Variants in DYNC2H1 observed in about 807,000 individuals in gnomAD.
DYNC2H1 encodes dynein cytoplasmic 2 heavy chain 1.
Under a neutral mutation model 570.0 loss-of-function variants are expected in DYNC2H1, and 410 were observed. The ratio of observed to expected loss-of-function variants is 0.72; its 90% CI spans 0.66 to 0.78. The LOEUF (loss-of-function observed/expected upper bound fraction) is 0.78. DYNC2H1 is among the 30% of genes least tolerant of loss of function. The probability of loss-of-function intolerance (pLI) is 0.00; values close to 1 mark genes in which losing one functional copy is unlikely to be tolerated. For missense variants in DYNC2H1, 4,865 were observed against 5,046.4 expected (o/e 0.96, Z 1.09); for synonymous variants, 1,688 against 1,677.6 (o/e 1.01, Z -0.15).
Position 103,399,675 on chromosome 11 carries a change from A to G in DYNC2H1, c.12169A>G (p.Ile4057Val). Reference protein sequence around the residue: ...WKKLNQNSNLIHQKVPPPNDR... With the variant: ...WKKLNQNSNLVHQKVPPPNDR... ...ATTTTTCTTTTAGAATTCAAACCTA[A>G]TACATCAGAAAGTGCCTCCTCCTAA... Residue 4057 changes from isoleucine to valine, a missense_variant, in exon 84 of 89, where the codon ATA becomes GTA. Physicochemically the swap from Ile to Val is conservative, Grantham distance 29. Around this residue, in one of 5 missense-constraint regions of DYNC2H1, gnomAD observed 2,401 missense variants for 2,454.6 expected, o/e 0.98. Transcript: ENST00000375735. 2 of 1,612,134 alleles carry G rather than the reference A, an allele frequency of 1.2e-6. No individual in the cohort carries two copies. Among genetic ancestry groups the G allele is most frequent in the Non-Finnish European group, 1.7e-6 (2 of 1,178,708 alleles).
At chr11:103,417,175 G>A (rs1024509569) in intron 84 of DYNC2H1, among the ~76,000 whole-genome samples, 11 of 152,144 alleles carry the variant, frequency 7.2e-5, no homozygotes, top group Admixed American at 5.9e-4. Flanking sequence ...CGCCTCCTGG[G>A]TTCAAGCCAT....
In DYNC2H1 at chr11:103,154,566, G is replaced by A. The variant is rs1325795105; in HGVS notation, c.3418G>A (p.Gly1140Arg). 9 of 1,602,260 alleles carry A rather than the reference G, an allele frequency of 5.6e-6. No individual in the cohort carries two copies. The highest frequency in any genetic ancestry group is 7.7e-6 in the Non-Finnish European group (9 of 1,174,430). Reference protein sequence around the residue: ...IWAFYEEFQQGFQEMANEDWI... With the variant: ...IWAFYEEFQQRFQEMANEDWI... ...GGCCTTTTATGAAGAGTTTCAACAA[G>A]GATTTCAGGAAATGGCCAATGAAGA... is the stretch of plus-strand genomic sequence containing the variant. Residue 1140 changes from glycine (G) to arginine (R), a missense_variant, in exon 23 of 89, where the codon GGA becomes AGA. By Grantham distance (125) the Gly-to-Arg change is moderately radical. This residue lies in a region of DYNC2H1 where 1,936 missense variants were observed against 1,962.1 expected (regional missense o/e 0.99). Coordinates refer to ENST00000375735, the MANE Select transcript of DYNC2H1 (RefSeq NM_001377.3).
chr11:103,154,536 A>G lies in DYNC2H1; in HGVS notation c.3388A>G (p.Ile1130Val), dbSNP rs1290491490. 1.3e-6 allele frequency: 2 copies of G among 1,592,340 alleles called. No homozygotes were observed. The highest frequency in any genetic ancestry group is 2.3e-5 in the South Asian group (2 of 86,810). ...ISKDIESCAQIWAFYEEFQQG... is the reference protein window; with the variant it reads ...ISKDIESCAQVWAFYEEFQQG... Reference sequence around the variant, plus strand: ...TAAAGATATCGAGAGCTGTGCCCAAATTTGGGCCTTTTATGAAGAGTTTCA... The same window carrying G: ...TAAAGATATCGAGAGCTGTGCCCAAGTTTGGGCCTTTTATGAAGAGTTTCA... Residue 1130 changes from isoleucine to valine, a missense_variant, in exon 23 of 89, where the codon ATT (isoleucine) becomes GTT (valine). Ile to Val is a conservative substitution (Grantham distance 29, BLOSUM62 3). Transcript: ENST00000375735.
rs979031811 is a variant in DYNC2H1 at position 103,244,305 on chromosome 11, T to C, written c.9918+514T>C. ...TCATAGTCTTTTTGGTAGTGACTTC[T>C]CAGTTTCATGTTTATCTTGCAGAGG... On this transcript the variant is annotated intron_variant, in intron 64 of 88. Coordinates refer to ENST00000375735, the MANE Select transcript of DYNC2H1 (RefSeq NM_001377.3). This position sits in a 1 kb window ranked among gnomAD's most constrained non-coding sequence, Gnocchi z 4.3. Among the ~76,000 whole-genome samples, 1 of 152,058 alleles carries C rather than the reference T, an allele frequency of 6.6e-6. No homozygotes were observed. Among genetic ancestry groups the C allele is most frequent in the Non-Finnish European group, 1.5e-5 (1 of 67,936 alleles).
At chr11:103,413,138 T>A (rs1943149626) in intron 84 of DYNC2H1, among the ~76,000 whole-genome samples, 1 of 152,238 alleles carries the variant, frequency 6.6e-6, no homozygotes, top group Non-Finnish European at 1.5e-5. Context: ...AAAAAGGCAG[T>A]ACCTGCCATG....
chr11:103,362,716 T>C (rs1229595948), intron 83 of DYNC2H1, among the ~76,000 whole-genome samples: 1 of 152,158 alleles, frequency 6.6e-6, no homozygotes, highest in Admixed American at 6.5e-5. Context: ...ATTTAATCTT[T>C]GTATATCTAC....
At chr11:103,164,127 C>T (rs538397066) in intron 30 of DYNC2H1, among the ~76,000 whole-genome samples, 124 of 152,272 alleles carry the variant, frequency 8.1e-4, no homozygotes, top group African/African-American at 3.0e-3. Flanking sequence ...TCCTAGTACT[C>T]TGTCAACTTC....
At chr11:103,307,045 T>C (rs1565481831) in intron 77 of DYNC2H1, among the ~76,000 whole-genome samples, 1 of 152,108 alleles carries the variant, frequency 6.6e-6, no homozygotes, top group Non-Finnish European at 1.5e-5. Context: ...GACATAATAT[T>C]TAAATTGTAT....
rs1865116252 is a variant in DYNC2H1 at position 103,257,688 on chromosome 11, C to T, written c.10542C>T (p.Asn3514=). The part of the protein sequence containing the change: ...FIISDLSKIN[N]MYRFSLAAFL... ...TTTCTGATTTGTCCAAAATTAATAA[C>T]ATGTACCGTTTTAGTTTGGCTGCTT... is the stretch of plus-strand genomic sequence containing the variant. Residue 3514 remains asparagine (N), a synonymous_variant, in exon 69 of 89, where the codon AAC becomes AAT. Transcript: ENST00000375735. 3.1e-6 allele frequency: 5 copies of T among 1,612,242 alleles called. No individual in the cohort carries two copies. The highest frequency in any genetic ancestry group is 4.2e-6 in the Non-Finnish European group (5 of 1,179,090).
At chr11:103,431,706 C>A (rs1226831954) in intron 84 of DYNC2H1, among the ~76,000 whole-genome samples, 6 of 152,076 alleles carry the variant, frequency 3.9e-5, no homozygotes, top group African/African-American at 7.2e-5. Context: ...TCGACAAACT[C>A]TTGAAAAGCA....
At chr11:103,378,403 C>T (rs770539635) in intron 83 of DYNC2H1, among the ~76,000 whole-genome samples, 1 of 152,082 alleles carries the variant, frequency 6.6e-6, no homozygotes, top group Non-Finnish European at 1.5e-5. Context: ...AGAGCCCTTA[C>T]CATTTTTTTA....
At chr11:103,255,574 T>C (rs1294589938) in intron 67 of DYNC2H1, 40 bp downstream of exon 67, 1 of 1,344,696 alleles carries the variant, frequency 7.4e-7, no homozygotes, top group East Asian at 2.9e-5. Flanking sequence ...TTCGTATTAC[T>C]TTTTTTTTAA....
Position 103,235,661 on chromosome 11 carries a change from C to CT in DYNC2H1, c.9568-5dup. 4 of 1,597,342 alleles carry CT rather than the reference C, an allele frequency of 2.5e-6. No homozygotes were observed. The highest frequency in any genetic ancestry group is 3.4e-5 in the Admixed American group (2 of 59,084). On this transcript the variant is annotated splice_polypyrimidine_tract_variant and intron_variant, in intron 61 of 88. Coordinates refer to ENST00000375735, the MANE Select transcript of DYNC2H1 (RefSeq NM_001377.3). ...ATATATCTCCCTCTTTCTTCTCTCT[C>CT]TTTTTTCCAGGTTGTAGAGATAACA...
At chr11:103,473,246 TATAAC>T (rs1190376721) in intron 88 of DYNC2H1, among the ~76,000 whole-genome samples, 2 of 151,714 alleles carry the variant, frequency 1.3e-5, no homozygotes, top group African/African-American at 4.8e-5. Context: ...ACTAAGATAA[TATAAC>T]TGACATTCAC....
chr11:103,455,360 C>T, intron 86 of DYNC2H1, 65 bp downstream of exon 86: 1 of 1,206,274 alleles, frequency 8.3e-7, no homozygotes, highest in South Asian at 1.2e-5. Context: ...TTATTGACTT[C>T]CTATTACACT....
At chr11:103,318,938 C>T (rs560119502) in intron 80 of DYNC2H1, among the ~76,000 whole-genome samples, 4 of 152,186 alleles carry the variant, frequency 2.6e-5, no homozygotes, top group Admixed American at 6.5e-5. Flanking sequence ...TCCTGCACTA[C>T]GTGAACTGTT....
At chr11:103,346,582 T>A (rs1243070559) in intron 82 of DYNC2H1, among the ~76,000 whole-genome samples, 3 of 152,136 alleles carry the variant, frequency 2.0e-5, no homozygotes, top group Non-Finnish European at 4.4e-5. Context: ...AATGATGTTA[T>A]ATTTTTCCTT....
rs1944414248 is a variant in DYNC2H1, at chr11:103,446,008, A to T, written c.12457-9178A>T. On this transcript the variant is annotated intron_variant, in intron 85 of 88. Coordinates refer to ENST00000375735, the MANE Select transcript of DYNC2H1 (RefSeq NM_001377.3). This position sits in a 1 kb window ranked among gnomAD's most constrained non-coding sequence, Gnocchi z 4.5. ...GTTAAGTGGTTTAGTGAGTTGAAGG[A>T]TACTGACAATATGGTAATAGAGCAG... 6.6e-6 allele frequency among the ~76,000 whole-genome samples: 1 copy of T among 151,600 alleles called. No individual in the cohort carries two copies. The highest frequency in any genetic ancestry group is 2.4e-5 in the African/African-American group (1 of 41,136).
chr11:103,135,599 G>C lies in DYNC2H1; in HGVS notation c.2310G>C (p.Glu770Asp). 1.2e-6 allele frequency: 2 copies of C among 1,613,258 alleles called. No homozygotes were observed. The highest frequency in any genetic ancestry group is 1.7e-6 in the Non-Finnish European group (2 of 1,179,576). The change falls in exon 16 of 89, where the codon GAG becomes GAC. Residue 770 changes from glutamate to aspartate, a missense_variant. Coordinates refer to ENST00000375735, the MANE Select transcript of DYNC2H1 (RefSeq NM_001377.3). ...QYQMGLEALN[E>D]NLPEINIDLT... ...AGATGGGCTTAGAAGCACTTAATGA[G>C]AATTTGCCAGAAATAAATATAGACT...
Sources: allele counts gnomAD v4.1 joint callset (sites outside exome capture counted in the v4.1 genomes callset), GRCh38; gene constraint gnomAD v4.1.1; regional missense constraint gnomAD v4.1.1; non-coding constraint Gnocchi (gnomAD v3.1); transcripts MANE v1.5; gene names NCBI Gene and HGNC (gene_info 2026-07-23, HGNC 2026-07-21).